Variants in NPAS2 observed in about 807,000 individuals in gnomAD.
NPAS2 encodes the protein neuronal PAS domain-containing protein 2.
A neutral mutation model predicts 107.5 loss-of-function variants in NPAS2; 23 were observed. The ratio of observed to expected loss-of-function variants is 0.21; its 90% CI spans 0.15 to 0.30. The LOEUF (loss-of-function observed/expected upper bound fraction) is 0.30. NPAS2 is among the 10% of genes least tolerant of loss of function. The pLI, the probability that NPAS2 is intolerant of heterozygous loss-of-function variation, is 1.00. For synonymous variants in NPAS2, 403 were observed against 417.5 expected, an observed-to-expected ratio of 0.97 and a Z score of 0.42; for missense variants, 756 against 1,043.3, an observed-to-expected ratio of 0.72 and a Z score of 3.79.
intron 1 of NPAS2, among the ~76,000 whole-genome samples, chr2:100,835,432 G>A (rs528064094): frequency 2.6e-5 from 4 of 152,246 alleles, no homozygotes; most frequent in South Asian, 2.1e-4. Flanking sequence ...GGTGCATGCC[G>A]GAGTAGGAAA....
At chr2:100,963,250 G>T (rs1023258862) in intron 7 of NPAS2, among the ~76,000 whole-genome samples, 1 of 152,214 alleles carries the variant, frequency 6.6e-6, no homozygotes, top group Non-Finnish European at 1.5e-5. Context: ...GGCAGGGAAG[G>T]GGGTGTCAAT....
chr2:100,980,389 T>C (rs1338995749), intron 15 of NPAS2, among the ~76,000 whole-genome samples: 3 of 152,102 alleles, frequency 2.0e-5, no homozygotes, highest in Admixed American at 6.6e-5. Flanking sequence ...CCTCACAGAG[T>C]GGTCTGATTA....
At chr2:100,838,112 G>T (rs1428768555) in intron 1 of NPAS2, among the ~76,000 whole-genome samples, 1 of 150,626 alleles carries the variant, frequency 6.6e-6, no homozygotes, top group Non-Finnish European at 1.5e-5. Context: ...GAACGTGATT[G>T]TAGCTGTGAC....
In NPAS2 at chr2:100,988,081, G is replaced by A; in HGVS notation, c.1632G>A (p.Met544Ile). Residue 544 changes from methionine (M) to isoleucine (I), a missense_variant and splice_region_variant, in exon 17 of 21, where the codon ATG (methionine) becomes ATA (isoleucine). Met to Ile is a conservative substitution (Grantham distance 10). This residue lies in a region of NPAS2 where 496 missense variants were observed against 594.4 expected (regional missense o/e 0.83). Transcript: ENST00000335681. The stretch of plus-strand genomic sequence containing the variant: ...AGGCATTTCTATTCTGCTCCCAGAT[G>A]TTCCTGCAGCAGCCAGCTGTATCCC... ...LCLVQDSNVQ[M>I]FLQQPAVSLS... 6.2e-7 allele frequency: 1 copy of A among 1,613,862 alleles called. No individual in the cohort carries two copies. Among genetic ancestry groups the A allele is most frequent in the Non-Finnish European group, 8.5e-7 (1 of 1,179,778 alleles).
chr2:100,940,935 G>A (rs997646819), intron 5 of NPAS2, among the ~76,000 whole-genome samples: 1 of 152,288 alleles, frequency 6.6e-6, no homozygotes, highest in South Asian at 2.1e-4. Context: ...GGGTAGTCAG[G>A]GGGCAGGAGG....
chr2:100,821,139 C>G (rs6542990), intron 1 of NPAS2: 281,899 of 1,303,150 alleles, frequency 0.22, 38,481 homozygotes, highest in African/African-American at 0.61. Context: ...GGGACAGGCA[C>G]CACCCGGCTA....
At chr2:100,964,256 TG>T in intron 8 of NPAS2, 80 bp downstream of exon 8, 1 of 969,222 alleles carries the variant, frequency 1.0e-6, no homozygotes, top group East Asian at 2.4e-5. Flanking sequence ...AATGGTCTTT[TG>T]GGAGGGAATA....
chr2:100,841,541 T>A (rs1488228930), intron 1 of NPAS2, among the ~76,000 whole-genome samples: 1 of 152,196 alleles, frequency 6.6e-6, no homozygotes, highest in African/African-American at 2.4e-5. Context: ...TAATCCCTAT[T>A]TGTGTGCCTA....
intron 1 of NPAS2, among the ~76,000 whole-genome samples, chr2:100,821,463 T>C (rs1676065632): frequency 6.6e-6 from 1 of 152,180 alleles, no homozygotes. Context: ...CCTGTTTTCC[T>C]ACAGGTAAAA....
intron 7 of NPAS2, among the ~76,000 whole-genome samples, chr2:100,956,407 C>T (rs895164417): frequency 2.0e-5 from 3 of 152,112 alleles, no homozygotes; most frequent in African/African-American, 7.2e-5. Flanking sequence ...CTGCTCCCAT[C>T]TTTATGTCCA....
chr2:100,888,973 C>T (rs2104682384), intron 1 of NPAS2, among the ~76,000 whole-genome samples: 1 of 152,318 alleles, frequency 6.6e-6, no homozygotes, highest in East Asian at 1.9e-4. Flanking sequence ...ATATGTACTT[C>T]TCTTTTCTCT....
rs376034933 is a variant in NPAS2, at chr2:100,871,112, G to T, written c.-22-33621G>T. Among the ~76,000 whole-genome samples, 60 of 152,270 alleles carry T rather than the reference G, an allele frequency of 3.9e-4. 2 individuals carry two copies. The South Asian group carries it at 0.012, about 31-fold the overall frequency. Reference sequence around the variant, plus strand: ...GGCAGGGGTTGGCCAACCACTGCCTGTGGGCCACATCTCACCCACTCACCC... The same window carrying T: ...GGCAGGGGTTGGCCAACCACTGCCTTTGGGCCACATCTCACCCACTCACCC... On this transcript the variant is annotated intron_variant, in intron 1 of 20. Coordinates refer to ENST00000335681, the MANE Select transcript of NPAS2 (RefSeq NM_002518.4).
chr2:100,906,759 A>C (rs1682175917), intron 2 of NPAS2, among the ~76,000 whole-genome samples: 1 of 152,234 alleles, frequency 6.6e-6, no homozygotes, highest in African/African-American at 2.4e-5. Flanking sequence ...CTGGGTGCCC[A>C]CAGTACTGAG....
Position 100,977,891 on chromosome 2 carries a change from A to C in NPAS2, c.1482+92A>C. On this transcript the variant is annotated intron_variant, in intron 15 of 20. Transcript: ENST00000335681. ...GGTCTTGTACACTTAGGTCCCAACC[A>C]AGGCCCTGACGTGGGGGAATGTCCC... 3.6e-6 allele frequency: 4 copies of C among 1,114,448 alleles called. No individual in the cohort carries two copies. The South Asian group carries it at 5.0e-5, about 14-fold the overall frequency. 69.0% of individuals were successfully genotyped at this position (1,114,448 alleles called of 1,614,324 possible). A position where few individuals can be genotyped will look rare whatever the true frequency, so the allele number is the denominator to read the frequency against.
chr2:100,835,259 GTTTA>G (rs1433544085), intron 1 of NPAS2, among the ~76,000 whole-genome samples: 2 of 152,184 alleles, frequency 1.3e-5, no homozygotes, highest in Non-Finnish European at 2.9e-5. Flanking sequence ...GAATTTCACT[GTTTA>G]GAGAAGAACC....
At position 100,949,465 on chromosome 2, in the gene NPAS2, C is replaced by T. The variant is rs763172499; in HGVS notation, c.583C>T (p.Arg195Cys). The T allele has an allele frequency of 4.4e-6, 7 of 1,590,396 alleles. No individual in the cohort carries two copies. Among genetic ancestry groups the T allele is most frequent in the East Asian group, 4.5e-5 (2 of 44,786 alleles). ...ATACATAAAATTTGTAGGAAATTTT[C>T]GCTCTTACAACAATGGTAAGCTTTA... ...YEYIKFVGNF[R>C]SYNNVPSPSC... Residue 195 changes from arginine to cysteine, a missense_variant, in exon 7 of 21, where the codon CGC becomes TGC. By Grantham distance (180) the Arg-to-Cys change is radical. This residue lies in a region of NPAS2 where 146 missense variants were observed against 249.6 expected (regional missense o/e 0.58). Coordinates refer to ENST00000335681, the MANE Select transcript of NPAS2 (RefSeq NM_002518.4).
At chr2:100,819,708 C>G (rs941643764), upstream of NPAS2, among the ~76,000 whole-genome samples, 1 of 151,674 alleles carries the variant, frequency 6.6e-6, no homozygotes, top group African/African-American at 2.4e-5. The surrounding 1 kb of genome is among the most constrained non-coding windows in gnomAD (Gnocchi z 5.8). Context: ...CTTGTTCCCC[C>G]CGAGTGACAA....
At chr2:100,889,089 T>A (rs1401167501) in intron 1 of NPAS2, among the ~76,000 whole-genome samples, 2 of 152,226 alleles carry the variant, frequency 1.3e-5, no homozygotes, top group African/African-American at 2.4e-5. Flanking sequence ...ATTGAGAAAC[T>A]GGAGATTTCT....
intron 1 of NPAS2, among the ~76,000 whole-genome samples, chr2:100,877,491 T>C (rs1222268153): frequency 6.6e-6 from 1 of 151,578 alleles, no homozygotes; most frequent in Non-Finnish European, 1.5e-5. Context: ...TAAGAGAGCT[T>C]TCTGGAAGAG....
Sources: allele counts gnomAD v4.1 joint callset (sites outside exome capture counted in the v4.1 genomes callset), GRCh38; gene constraint gnomAD v4.1.1; regional missense constraint gnomAD v4.1.1; non-coding constraint Gnocchi (gnomAD v3.1); transcripts MANE v1.5; gene names NCBI Gene and HGNC (gene_info 2026-07-23, HGNC 2026-07-21).